CSNK1A1: variants seen among roughly 807,000 people sequenced by gnomAD.
CSNK1A1 encodes casein kinase I isoform alpha.
In CSNK1A1, 7 loss-of-function variants were observed where a neutral mutation model predicts 46.1. The ratio of observed to expected loss-of-function variants is 0.15; its 90% CI spans 0.09 to 0.29. The LOEUF (loss-of-function observed/expected upper bound fraction) is 0.29. Among genes scored for constraint, CSNK1A1 ranks in the 10% least tolerant of loss-of-function variants. The pLI, the probability that CSNK1A1 is intolerant of heterozygous loss-of-function variation, is 1.00. For missense variants in CSNK1A1, 96 were observed against 417.1 expected, an observed-to-expected ratio of 0.23 and a Z score of 6.71; for synonymous variants, 137 against 141.5, an observed-to-expected ratio of 0.97 and a Z score of 0.23.
chr5:149,527,049 G>A (rs968292170), intron 2 of CSNK1A1, among the ~76,000 whole-genome samples: 2 of 152,164 alleles, frequency 1.3e-5, no homozygotes, highest in Admixed American at 6.5e-5. Context: ...AACCCAGTAA[G>A]GGAAAAGTTC....
chr5:149,516,172 T>C (rs1009470723), intron 4 of CSNK1A1, among the ~76,000 whole-genome samples: 2 of 151,950 alleles, frequency 1.3e-5, no homozygotes, highest in Non-Finnish European at 2.9e-5. Flanking sequence ...ATACAAAAAT[T>C]AGCCGGGCAT....
intron 6 of CSNK1A1, among the ~76,000 whole-genome samples, chr5:149,511,219 C>T (rs1208526343): frequency 6.6e-6 from 1 of 152,098 alleles, no homozygotes; most frequent in Admixed American, 6.6e-5. Flanking sequence ...GTCCCAGCTA[C>T]AGGTAGGAGG....
chr5:149,548,588 C>T (rs1296591479), intron 2 of CSNK1A1, among the ~76,000 whole-genome samples: 3 of 151,252 alleles, frequency 2.0e-5, no homozygotes, highest in Non-Finnish European at 4.4e-5. Flanking sequence ...AAGCCGGGCA[C>T]AGTGGCTCAT....
rs1761440462 is a variant in CSNK1A1, at chr5:149,517,573, CT to C, written c.456+2716del. 6.6e-6 allele frequency among the ~76,000 whole-genome samples: 1 copy of C among 152,070 alleles called. No homozygotes were observed. Among genetic ancestry groups the C allele is most frequent in the Non-Finnish European group, 1.5e-5 (1 of 68,002 alleles). On this transcript the variant is annotated intron_variant, in intron 4 of 9. Coordinates refer to ENST00000377843, the MANE Select transcript of CSNK1A1 (RefSeq NM_001892.6). The surrounding 1 kb of genome is among the most constrained non-coding windows in gnomAD (Gnocchi z 4.4). ...AACATAATATCCTATTTTCATTTAG[CT>C]TTTTTCTAAACTTTATAAGTTTTAA...
chr5:149,514,008 A>G (rs980265636), intron 4 of CSNK1A1, among the ~76,000 whole-genome samples: 3 of 152,170 alleles, frequency 2.0e-5, no homozygotes, highest in African/African-American at 7.2e-5. Context: ...AAAGTCTGAC[A>G]TTGCCAATGA....
At chr5:149,522,039 T>C (rs563867357) in intron 3 of CSNK1A1, among the ~76,000 whole-genome samples, 1 of 152,228 alleles carries the variant, frequency 6.6e-6, no homozygotes, top group Non-Finnish European at 1.5e-5. Flanking sequence ...TCTGTCATTA[T>C]GTAAACAAAT....
rs146826468 is a variant in CSNK1A1 at position 149,505,182 on chromosome 5, A to G, written c.1006+265T>C. On this transcript the variant is annotated intron_variant, in intron 9 of 9. Coordinates refer to ENST00000377843, the MANE Select transcript of CSNK1A1 (RefSeq NM_001892.6). The stretch of plus-strand genomic sequence containing the variant: ...TGAGTAAAAAAGATGCAGTTGTTAA[A>G]AAAATGACCCAAAATCCCAAGAGAA... The G allele has an allele frequency of 1.8e-3, 2,019 of 1,106,324 alleles. 10 individuals are homozygous for G. In the South Asian group the frequency reaches 0.02, roughly 11 times the overall value. The allele number at this position is 1,106,324 out of a possible 1,614,324, so 68.5% of individuals were successfully genotyped here.
Position 149,504,803 on chromosome 5 carries a change from C to T in CSNK1A1, c.1006+644G>A, listed in dbSNP as rs546967840. 3.9e-5 allele frequency: 38 copies of T among 985,284 alleles called. No homozygotes were observed. In the East Asian group the frequency reaches 5.7e-4, roughly 15 times the overall value. 61.0% of individuals were successfully genotyped at this position (985,284 alleles called of 1,614,324 possible). A position where few individuals can be genotyped will look rare whatever the true frequency, so the allele number is the denominator to read the frequency against. On this transcript the variant is annotated intron_variant, in intron 9 of 9. Transcript: ENST00000377843. ...AAATCGTTTTGAAATTAAGATCATA[C>T]GTAAACTGCAAATAAAAGAATTATT... is the stretch of plus-strand genomic sequence containing the variant.
At chr5:149,522,465 T>A (rs1384633045) in intron 3 of CSNK1A1, among the ~76,000 whole-genome samples, 3 of 152,240 alleles carry the variant, frequency 2.0e-5, no homozygotes, top group African/African-American at 7.2e-5. Flanking sequence ...ATAGATTACA[T>A]ATCCAAAGAC....
At chr5:149,509,091 A>C (rs1012821652) in intron 7 of CSNK1A1, among the ~76,000 whole-genome samples, 1 of 151,444 alleles carries the variant, frequency 6.6e-6, no homozygotes, top group African/African-American at 2.4e-5. Flanking sequence ...TGCCAGGCTA[A>C]TTTTTGCATT....
intron 4 of CSNK1A1, among the ~76,000 whole-genome samples, chr5:149,513,948 T>TA (rs1320023955): frequency 6.6e-6 from 1 of 151,560 alleles, no homozygotes; most frequent in African/African-American, 2.4e-5. Context: ...TCTTCCCTCC[T>TA]ACAAAGGCCA....
intron 6 of CSNK1A1, among the ~76,000 whole-genome samples, chr5:149,510,174 G>A (rs1286536966): frequency 6.6e-6 from 1 of 152,214 alleles, no homozygotes; most frequent in Non-Finnish European, 1.5e-5. Context: ...TAGCTATAGG[G>A]AAAGGGTGAG....
intron 9 of CSNK1A1, chr5:149,497,766 CA>C: frequency 2.0e-6 from 2 of 985,410 alleles, no homozygotes; most frequent in Non-Finnish European, 2.4e-6. Context: ...TAGCCCACTC[CA>C]ATCAATCCTC....
chr5:149,500,026 T>C lies in CSNK1A1; in HGVS notation c.1007-3166A>G, dbSNP rs1327954620. Reference sequence around the variant, plus strand: ...CTCTGTCACCCAGGCTGGAGTACAATGGCGCGATCTCCGCCCACTACAAGC... The same window carrying C: ...CTCTGTCACCCAGGCTGGAGTACAACGGCGCGATCTCCGCCCACTACAAGC... On this transcript the variant is annotated intron_variant, in intron 9 of 9. Transcript: ENST00000377843. 3.6e-5 allele frequency among the ~76,000 whole-genome samples: 5 copies of C among 137,162 alleles called. 1 individual carries two copies. Among genetic ancestry groups the C allele is most frequent in the East Asian group, 2.3e-4 (1 of 4,344 alleles). The allele number at this position is 137,162 out of a possible 152,430, so 90.0% of individuals were successfully genotyped here.
chr5:149,548,073 G>T (rs1324301300), intron 2 of CSNK1A1, among the ~76,000 whole-genome samples: 1 of 151,978 alleles, frequency 6.6e-6, no homozygotes, highest in Non-Finnish European at 1.5e-5. Flanking sequence ...GTTTCACCAC[G>T]TTGGCCAGGC....
chr5:149,512,545 C>T (rs146101088), intron 5 of CSNK1A1, among the ~76,000 whole-genome samples: 2 of 152,148 alleles, frequency 1.3e-5, no homozygotes, highest in Admixed American at 6.5e-5. Flanking sequence ...AACTCTAGAA[C>T]TCATGTGAAG....
At chr5:149,501,659 TGA>T (rs1760860719) in intron 9 of CSNK1A1, 5 of 985,270 alleles carry the variant, frequency 5.1e-6, no homozygotes, top group Non-Finnish European at 6.0e-6. Flanking sequence ...GTTAAGATGA[TGA>T]GAGTACAGAA....
At chr5:149,499,144 A>G (rs1458133862) in intron 9 of CSNK1A1, 1 of 985,332 alleles carries the variant, frequency 1.0e-6, no homozygotes, top group Non-Finnish European at 1.2e-6. Flanking sequence ...GGTATTCAAC[A>G]GTCTTGCAGT....
chr5:149,548,382 C>T (rs1333234475), intron 2 of CSNK1A1, among the ~76,000 whole-genome samples: 1 of 150,850 alleles, frequency 6.6e-6, no homozygotes, highest in African/African-American at 2.4e-5. Flanking sequence ...GCCTGGCCAA[C>T]ACGGCAAAAC....
Sources: gnomAD v4.1 joint callset for allele counts (sites outside exome capture counted in the v4.1 genomes callset) on GRCh38, gnomAD v4.1.1 for gene constraint, Gnocchi (gnomAD v3.1) non-coding constraint, MANE v1.5 for transcripts, NCBI Gene and HGNC (gene_info 2026-07-23, HGNC 2026-07-21) for gene names.